The following ZAN variants were observed in gnomAD, a reference collection of about 807,000 sequenced individuals.
ZAN encodes the protein zonadhesin (gene/pseudogene).
A neutral mutation model predicts 286.2 loss-of-function variants in ZAN; 260 were observed. That is an observed-to-expected ratio of 0.91 (90% CI 0.82 to 1.01). The LOEUF (loss-of-function observed/expected upper bound fraction) is 1.01. Ranked by LOEUF, ZAN falls within the 50% of genes least tolerant of loss-of-function variation. The pLI is 0.00. For missense variants in ZAN, 3,410 were observed against 3,639.2 expected, an observed-to-expected ratio of 0.94 and a Z score of 1.62; for synonymous variants, 1,368 against 1,417.5, an observed-to-expected ratio of 0.97 and a Z score of 0.79.
Position 100,775,640 on chromosome 7 carries a change from C to G in ZAN, c.6028-29C>G, listed in dbSNP as rs1450094000. The G allele has an allele frequency of 1.9e-6, 3 of 1,612,560 alleles. No individual in the cohort carries two copies. In the East Asian group the frequency reaches 6.7e-5, roughly 36 times the overall value. ...GGGGAGGGGACTCTTGTCCCTGCTC[C>G]TACTCACCGTCACTGTCCTCCTGTT... On this transcript the variant is annotated intron_variant, in intron 32 of 47. Transcript: ENST00000613979.
Position 100,751,775 on chromosome 7 carries a change from C to T in ZAN, c.1670C>T (p.Thr557Ile). ...PVSSTGPSET[T>I]GLTENPTIST... ...TCTTCCACTGGCCCTTCTGAAACCA[C>T]TGGCCTCACAGAAAACCCTACAATC... The change falls in exon 14 of 48, where the codon ACT becomes ATT. Residue 557 changes from threonine (T) to isoleucine (I), a missense_variant. By Grantham distance (89) the Thr-to-Ile change is moderately conservative (BLOSUM62 -1). This residue lies in a region of ZAN where 872 missense variants were observed against 938.9 expected (regional missense o/e 0.93). Transcript: ENST00000613979. 1 of 1,610,690 alleles carries T rather than the reference C, an allele frequency of 6.2e-7. No homozygotes were observed.
At chr7:100,762,419 C>CTTTTTTTTT in intron 20 of ZAN, 61 bp downstream of exon 20, 1 of 1,016,816 alleles carries the variant, frequency 9.8e-7, no homozygotes. Flanking sequence ...CTGGAACTCT[C>CTTTTTTTTT]TTTTTTTTTT....
Position 100,734,057 on chromosome 7 carries a change from A to G in ZAN, c.-112A>G. On this transcript the variant is annotated 5_prime_UTR_variant, in exon 2 of 48. It removes an upstream start codon present in the reference 5' UTR. Coordinates refer to ENST00000613979, the MANE Select transcript of ZAN (RefSeq NM_003386.3). ...TTCTGTGTTTCTCTGTTCATTCTTC[A>G]TGGCATCCTTGGAAGGATGCCAAGC... The G allele has an allele frequency of 1.6e-6, 1 of 643,834 alleles. No homozygotes were observed. Among genetic ancestry groups the G allele is most frequent in the Non-Finnish European group, 2.7e-6 (1 of 365,126 alleles). The allele number at this position is 643,834 out of a possible 1,614,324, so 39.9% of individuals were successfully genotyped here. A position where few individuals can be genotyped will look rare whatever the true frequency, so the allele number is the denominator to read the frequency against.
intron 40 of ZAN, among the ~76,000 whole-genome samples, chr7:100,791,663 T>C (rs1369520416): frequency 6.6e-6 from 1 of 152,168 alleles, no homozygotes; most frequent in Non-Finnish European, 1.5e-5. Context: ...CACCTAGGCC[T>C]CCCAAAGTGC....
chr7:100,776,507 T>G lies in ZAN; in HGVS notation c.6260T>G (p.Val2087Gly). The G allele has an allele frequency of 6.3e-7, 1 of 1,584,924 alleles. No individual in the cohort carries two copies. The highest frequency in any genetic ancestry group is 1.2e-5 in the South Asian group (1 of 86,456). ...EDELMMPSDE[V>G]ANSDSEFVNS... ...GAACTAATGATGCCCAGCGATGAAG[T>G]AGCAAATAGTGACAGTGAATTTGTG... The change falls in exon 34 of 48, where the codon GTA becomes GGA. Residue 2087 changes from valine (V) to glycine (G), a missense_variant. Around this residue, in one of 7 missense-constraint regions of ZAN, gnomAD observed 1,289 missense variants for 1,314.3 expected, o/e 0.98. Coordinates refer to ENST00000613979, the MANE Select transcript of ZAN (RefSeq NM_003386.3).
Position 100,775,649 on chromosome 7 carries a change from G to T in ZAN, c.6028-20G>T, listed in dbSNP as rs540330. 0.39 allele frequency: 620,895 copies of T among 1,612,476 alleles called. 128,020 individuals are homozygous for T. The highest frequency in any genetic ancestry group is 0.81 in the East Asian group (36,495 of 44,788). On this transcript the variant is annotated intron_variant, in intron 32 of 47. Coordinates refer to ENST00000613979, the MANE Select transcript of ZAN (RefSeq NM_003386.3). ...ACTCTTGTCCCTGCTCCTACTCACC[G>T]TCACTGTCCTCCTGTTTAGATCAAC...
intron 6 of ZAN, 145 bp from the exon 7 acceptor site, chr7:100,738,316 G>A (rs112790550): frequency 9.2e-6 from 7 of 761,230 alleles, no homozygotes; most frequent in African/African-American, 5.4e-5. Flanking sequence ...TACTTGAGAG[G>A]TTGAGGTGGG....
intron 7 of ZAN, among the ~76,000 whole-genome samples, chr7:100,738,975 C>T (rs189469899): frequency 0.059 from 2,279 of 38,536 alleles, 680 homozygotes; most frequent in African/African-American, 0.17. Flanking sequence ...CTCCCTCTCC[C>T]TCTCCCTCTC....
In ZAN at chr7:100,792,427, T is replaced by C. The variant is rs1584636884; in HGVS notation, c.7735T>C (p.Ser2579Pro). The C allele has an allele frequency of 1.2e-6, 2 of 1,613,378 alleles. No individual in the cohort carries two copies. Among genetic ancestry groups the C allele is most frequent in the Non-Finnish European group, 1.7e-6 (2 of 1,179,606 alleles). ...FQEHCVLDLC[S>P]AQDPREQEEL... ...CAGGCACTGCGTGCTGGATCTGTGC[T>C]CTGCTCAGGACCCAAGAGAGCAAGA... Residue 2579 changes from serine (S) to proline (P), a missense_variant, in exon 42 of 48, where the codon TCT becomes CCT. This residue lies in a region of ZAN where 1,289 missense variants were observed against 1,314.3 expected (regional missense o/e 0.98). Coordinates refer to ENST00000613979, the MANE Select transcript of ZAN (RefSeq NM_003386.3).
In ZAN at chr7:100,753,107, G is replaced by A. The variant is rs759313119; in HGVS notation, c.3002G>A (p.Arg1001Lys). Residue 1001 changes from arginine to lysine, a missense_variant, in exon 14 of 48, where the codon AGG becomes AAG. Around this residue, in one of 7 missense-constraint regions of ZAN, gnomAD observed 1,042 missense variants for 1,058.0 expected, o/e 0.98. Coordinates refer to ENST00000613979, the MANE Select transcript of ZAN (RefSeq NM_003386.3). ...CCCACAGAGAAGCTCACAGCCCTGAGGCCACCCCATCCCAGCCCCACAGCC... is the reference window on the plus strand; with the variant it reads ...CCCACAGAGAAGCTCACAGCCCTGAAGCCACCCCATCCCAGCCCCACAGCC... ...TIPTEKLTAL[R>K]PPHPSPTATG... 71 of 1,613,598 alleles carry A rather than the reference G, an allele frequency of 4.4e-5. No individual in the cohort carries two copies. The highest frequency in any genetic ancestry group is 5.8e-5 in the Non-Finnish European group (68 of 1,179,806).
rs373950642 is a variant in ZAN at position 100,771,984 on chromosome 7, G to A, written c.5389G>A (p.Gly1797Ser). 2 of 1,607,434 alleles carry A rather than the reference G, an allele frequency of 1.2e-6. No homozygotes were observed. Among genetic ancestry groups the A allele is most frequent in the Non-Finnish European group, 1.7e-6 (2 of 1,178,684 alleles). ...QAYASLCAQA[G>S]QAPAWRNRTF... ...CTACGCGTCCCTGTGTGCCCAGGCT[G>A]GCCAGGCCCCTGCCTGGCGGAACAG... Residue 1797 changes from glycine to serine, a missense_variant, in exon 29 of 48, where the codon GGC becomes AGC. This residue lies in a region of ZAN where 1,289 missense variants were observed against 1,314.3 expected (regional missense o/e 0.98). Transcript: ENST00000613979.
intron 14 of ZAN, 23 bp from the exon 15 acceptor site, chr7:100,755,203 G>T: frequency 6.3e-7 from 1 of 1,598,234 alleles, no homozygotes; most frequent in South Asian, 1.1e-5. Context: ...ATGAAAGCAT[G>T]ACAGAGGCTG....
At chr7:100,740,109 G>A (rs1436857858) in intron 7 of ZAN, among the ~76,000 whole-genome samples, 1 of 140,148 alleles carries the variant, frequency 7.1e-6, no homozygotes, top group African/African-American at 2.6e-5. Context: ...GGGCTGTCGG[G>A]GAAGGAGGGG....
intron 20 of ZAN, 107 bp downstream of exon 20, chr7:100,762,465 G>T (rs997219937): frequency 4.7e-5 from 63 of 1,345,702 alleles, no homozygotes; most frequent in Non-Finnish European, 5.9e-5. Flanking sequence ...TCCTTCTGTC[G>T]CTTAGGCTGG....
intron 18 of ZAN, 90 bp downstream of exon 18, chr7:100,759,935 G>C: frequency 6.7e-7 from 1 of 1,493,316 alleles, no homozygotes; most frequent in Non-Finnish European, 8.9e-7. Flanking sequence ...CCACGGATGG[G>C]GTTCAACAAG....
At chr7:100,792,526 C>G in intron 42 of ZAN, 47 bp downstream of exon 42, 6 of 1,610,182 alleles carry the variant, frequency 3.7e-6, no homozygotes, top group Non-Finnish European at 5.1e-6. Context: ...GGCTGGCTGG[C>G]GGGACCGCAC....
At chr7:100,762,056 T>TGG (rs1046906137) in intron 19 of ZAN, among the ~76,000 whole-genome samples, 159 bp from the exon 20 acceptor site, 2 of 151,870 alleles carry the variant, frequency 1.3e-5, no homozygotes, top group African/African-American at 4.8e-5. Flanking sequence ...GAAGGAGGCT[T>TGG]GGGGGAGGGC....
intron 23 of ZAN, among the ~76,000 whole-genome samples, chr7:100,766,210 C>T (rs1255493151): frequency 4.6e-5 from 7 of 151,914 alleles, no homozygotes; most frequent in Non-Finnish European, 4.4e-5. Flanking sequence ...TGGTCTCAAA[C>T]TCCTGACCTC....
At chr7:100,773,684 A>ACTTT (rs1562944256) in intron 30 of ZAN, 37 bp from the exon 31 acceptor site, 2 of 1,593,596 alleles carry the variant, frequency 1.3e-6, no homozygotes, top group Admixed American at 3.5e-5. Context: ...CCCAATTCCA[A>ACTTT]CTTTCTGTTG....
Sources: allele counts gnomAD v4.1 joint callset (sites outside exome capture counted in the v4.1 genomes callset), GRCh38; gene constraint gnomAD v4.1.1; regional missense constraint gnomAD v4.1.1; transcripts MANE v1.5; gene names NCBI Gene and HGNC (gene_info 2026-07-23, HGNC 2026-07-21).